The following DENND6B variants were observed in gnomAD, a reference collection of about 807,000 sequenced individuals.
DENND6B encodes DENN domain containing 6B.
A neutral mutation model predicts 85.1 loss-of-function variants in DENND6B; 73 were observed. The observed-to-expected ratio is 0.86, with a 90% confidence interval of 0.71 to 1.04. The LOEUF is 1.04. Ranked by LOEUF, DENND6B falls within the 50% of genes least tolerant of loss-of-function variation. The pLI is 0.00. For synonymous variants in DENND6B, 357 were observed against 329.3 expected (o/e 1.08, Z -0.91); for missense variants, 715 against 785.8 (o/e 0.91, Z 1.08).
intron 1 of DENND6B, among the ~76,000 whole-genome samples, chr22:50,323,818 G>A (rs986022835): frequency 2.1e-5 from 3 of 145,460 alleles, no homozygotes; most frequent in Admixed American, 1.4e-4. Context: ...CTACAGCCTC[G>A]AATTCCTGGG....
chr22:50,316,109 T>C, intron 7 of DENND6B, 22 bp from the exon 8 acceptor site: 1 of 1,612,686 alleles, frequency 6.2e-7, no homozygotes, highest in Non-Finnish European at 8.5e-7. Context: ...AGGGAGCAGC[T>C]GCCAGAGGGA....
chr22:50,315,626 TCAC>T, intron 9 of DENND6B, 85 bp downstream of exon 9: 1 of 593,544 alleles, frequency 1.7e-6, no homozygotes, highest in Non-Finnish European at 2.3e-6. Flanking sequence ...ACACACATAC[TCAC>T]ACACAGATGC....
chr22:50,314,187 A>T lies in DENND6B; in HGVS notation c.1138+20T>A. ...GGCCTCTCCACGGTGGAGGGGCTCC[A>T]GGTCGAGGGGAGCACAGACCTGGCT... On this transcript the variant is annotated intron_variant, in intron 13 of 19. Transcript: ENST00000413817. 2 of 1,593,216 alleles carry T rather than the reference A, an allele frequency of 1.3e-6. No homozygotes were observed. Among genetic ancestry groups the T allele is most frequent in the Non-Finnish European group, 1.7e-6 (2 of 1,172,776 alleles).
chr22:50,313,956 G>A (rs910554846), intron 13 of DENND6B, 78 bp from the exon 14 acceptor site: 5 of 1,483,784 alleles, frequency 3.4e-6, no homozygotes, highest in Non-Finnish European at 4.5e-6. Context: ...AGAGGAGCCA[G>A]GGTGGGGGTC....
chr22:50,312,715 G>A (rs2068089137), intron 17 of DENND6B, 90 bp from the exon 18 acceptor site: 9 of 575,462 alleles, frequency 1.6e-5, no homozygotes, highest in Non-Finnish European at 2.4e-5. Flanking sequence ...ATTGACAGGC[G>A]GGGGGCCATG....
intron 1 of DENND6B, among the ~76,000 whole-genome samples, chr22:50,322,078 ATTTT>A (rs71198240): frequency 7.0e-6 from 1 of 143,022 alleles, no homozygotes; most frequent in Non-Finnish European, 1.5e-5. Context: ...GTCCTCAATA[ATTTT>A]TTTTTTTTTT....
chr22:50,313,617 C>T lies in DENND6B; in HGVS notation c.1293+18G>A. The T allele has an allele frequency of 6.5e-7, 1 of 1,548,240 alleles. No individual in the cohort carries two copies. The highest frequency in any genetic ancestry group is 1.4e-5 in the African/African-American group (1 of 72,360). On this transcript the variant is annotated intron_variant, in intron 15 of 19. Transcript: ENST00000413817. Reference sequence around the variant, plus strand: ...CCCCGTGCCCCCCAGTCCCATGTCCCCCAGCCCCGGGCCTCACCAGGGGGA... The same window carrying T: ...CCCCGTGCCCCCCAGTCCCATGTCCTCCAGCCCCGGGCCTCACCAGGGGGA...
chr22:50,313,587 C>T (rs1475617353), intron 15 of DENND6B, 48 bp downstream of exon 15: 1 of 1,511,808 alleles, frequency 6.6e-7, no homozygotes, highest in East Asian at 2.5e-5. Flanking sequence ...ACCCCATCCC[C>T]CCAGCCCCGT....
chr22:50,316,285 C>T (rs1217779087), intron 6 of DENND6B, 32 bp from the exon 7 acceptor site: 4 of 1,575,420 alleles, frequency 2.5e-6, no homozygotes, highest in Non-Finnish European at 3.4e-6. Flanking sequence ...TCAGGACCCT[C>T]CCCAAGGAGA....
At chr22:50,324,001 C>T (rs1339883778) in intron 1 of DENND6B, among the ~76,000 whole-genome samples, 1 of 152,140 alleles carries the variant, frequency 6.6e-6, no homozygotes, top group Non-Finnish European at 1.5e-5. Flanking sequence ...TCCTAAAGGG[C>T]TGGATTATAG....
rs1221868268 is a variant in DENND6B, at chr22:50,311,242, G to A, written c.*897C>T. ...TACCTCACCGGCCTCAGTGCCTGCAGGTGTCACGGGGGGAGCATACAACCC... is the reference window on the plus strand; with the variant it reads ...TACCTCACCGGCCTCAGTGCCTGCAAGTGTCACGGGGGGAGCATACAACCC... On this transcript the variant is annotated 3_prime_UTR_variant, in exon 20 of 20. Transcript: ENST00000413817. 1.3e-5 allele frequency: 2 copies of A among 152,308 alleles called. No individual in the cohort carries two copies. The highest frequency in any genetic ancestry group is 2.4e-5 in the African/African-American group (1 of 41,460). The allele number at this position is 152,308 out of a possible 1,614,324, so 9.4% of individuals were successfully genotyped here.
At chr22:50,319,532 C>A in intron 1 of DENND6B, 1 of 984,634 alleles carries the variant, frequency 1.0e-6, no homozygotes, top group Non-Finnish European at 1.2e-6. Flanking sequence ...ACCCAGAGGC[C>A]CCCTCACCCG....
rs1396094083 is a variant in DENND6B, at chr22:50,313,467, C to T, written c.1326G>A (p.Gln442=). 3.2e-6 allele frequency: 5 copies of T among 1,550,308 alleles called. No homozygotes were observed. Among genetic ancestry groups the T allele is most frequent in the Non-Finnish European group, 3.5e-6 (4 of 1,148,338 alleles). Reference sequence around the variant, plus strand: ...CCACCTTCCAGGGCGTGATGCTCTTCTGCAGGGGCATGAGGCTGGCCATGT... The same window carrying T: ...CCACCTTCCAGGGCGTGATGCTCTTTTGCAGGGGCATGAGGCTGGCCATGT... The part of the protein sequence containing the change: ...EHYMASLMPL[Q]KSITPWKTPP... Residue 442 remains glutamine, a synonymous_variant, in exon 16 of 20, where the codon CAG becomes CAA. Transcript: ENST00000413817.
Position 50,312,203 on chromosome 22 carries a change from A to T in DENND6B, c.1694T>A (p.Leu565Gln), listed in dbSNP as rs1480278899. ...GGAGCCGATGACCGTCTCGATGTAC[A>T]GCTGTGCCCGCTGCAGCGTAGCCTC... ...VKEATLQRAQLYIETVIGSLP... is the reference protein window; with the variant it reads ...VKEATLQRAQQYIETVIGSLP... Residue 565 changes from leucine to glutamine, a missense_variant, in exon 20 of 20, where the codon CTG becomes CAG. Physicochemically the swap from Leu to Gln is moderately radical, Grantham distance 113. Coordinates refer to ENST00000413817, the MANE Select transcript of DENND6B (RefSeq NM_001001794.4). 1 of 1,612,422 alleles carries T rather than the reference A, an allele frequency of 6.2e-7. No individual in the cohort carries two copies. The highest frequency in any genetic ancestry group is 8.5e-7 in the Non-Finnish European group (1 of 1,179,722).
At chr22:50,312,952 T>C in intron 17 of DENND6B, 47 bp downstream of exon 17, 1 of 1,510,984 alleles carries the variant, frequency 6.6e-7, no homozygotes, top group Non-Finnish European at 9.0e-7. Context: ...GGGCTGACCC[T>C]GTGGACCAAG....
In DENND6B at chr22:50,311,718, T is replaced by G; in HGVS notation, c.*421A>C. On this transcript the variant is annotated 3_prime_UTR_variant, in exon 20 of 20. Transcript: ENST00000413817. ...CCATCCCCAGACAAGACGGGGGCTGTGTCAGGAGAGGGTCCCTCCTGTCCT... is the reference window on the plus strand; with the variant it reads ...CCATCCCCAGACAAGACGGGGGCTGGGTCAGGAGAGGGTCCCTCCTGTCCT... 5.4e-6 allele frequency: 1 copy of G among 184,618 alleles called. No individual in the cohort carries two copies. The highest frequency in any genetic ancestry group is 1.1e-5 in the Non-Finnish European group (1 of 88,910). 11.4% of individuals were successfully genotyped at this position (184,618 alleles called of 1,614,324 possible). A position where few individuals can be genotyped will look rare whatever the true frequency, so the allele number is the denominator to read the frequency against.
intron 4 of DENND6B, 131 bp downstream of exon 4, chr22:50,317,777 G>A: frequency 2.2e-6 from 2 of 893,228 alleles, no homozygotes; most frequent in Non-Finnish European, 3.3e-6. Context: ...AGGGCCAGTG[G>A]GGCCTGGCCA....
At chr22:50,321,203 C>T (rs937752324) in intron 1 of DENND6B, among the ~76,000 whole-genome samples, 9 of 152,028 alleles carry the variant, frequency 5.9e-5, no homozygotes, top group Admixed American at 2.0e-4. Flanking sequence ...CCTGGGATCC[C>T]GGGGGTCACA....
In DENND6B at chr22:50,312,084, G is replaced by A. The variant is rs1028414813; in HGVS notation, c.*55C>T. ...TTGGCCCAGTGCCGCCACCACTGGG[G>A]AGTGGGAGGCTCAGGCAGACCTAGG... On this transcript the variant is annotated 3_prime_UTR_variant, in exon 20 of 20. Transcript: ENST00000413817. The A allele has an allele frequency of 4.4e-6, 7 of 1,593,134 alleles. No homozygotes were observed. The highest frequency in any genetic ancestry group is 2.2e-5 in the East Asian group (1 of 44,592).
Sources: gnomAD v4.1 joint callset for allele counts (sites outside exome capture counted in the v4.1 genomes callset) on GRCh38, gnomAD v4.1.1 for gene constraint, MANE v1.5 for transcripts, NCBI Gene and HGNC (gene_info 2026-07-23, HGNC 2026-07-21) for gene names.